Variants in NRG3 observed in about 807,000 individuals in gnomAD.
NRG3 encodes the protein neuregulin 3.
In NRG3, 31 loss-of-function variants were observed where a neutral mutation model predicts 66.9. That is an observed-to-expected ratio of 0.46 (90% CI 0.35 to 0.63). NRG3 has a LOEUF of 0.63. Ranked by LOEUF, NRG3 falls within the 20% of genes least tolerant of loss-of-function variation. The probability of loss-of-function intolerance (pLI) is 0.00; values close to 1 mark genes in which losing one functional copy is unlikely to be tolerated. For synonymous variants in NRG3, 393 were observed against 359.4 expected (o/e 1.09, Z -1.06); for missense variants, 910 against 878.9 (o/e 1.04, Z -0.45).
chr10:82,472,002 G>A (rs1841313072), intron 2 of NRG3, among the ~76,000 whole-genome samples: 1 of 151,916 alleles, frequency 6.6e-6, no homozygotes. Flanking sequence ...TATGAGCCAA[G>A]TAGGATAAAT....
chr10:82,222,710 C>T (rs1057259109), intron 1 of NRG3, among the ~76,000 whole-genome samples: 5 of 152,130 alleles, frequency 3.3e-5, no homozygotes, highest in African/African-American at 9.7e-5. Flanking sequence ...CTGTATCCAC[C>T]GTGTTTTCCC....
At chr10:82,161,666 TTC>T (rs1422324513) in intron 1 of NRG3, among the ~76,000 whole-genome samples, 2 of 152,122 alleles carry the variant, frequency 1.3e-5, no homozygotes, top group Non-Finnish European at 2.9e-5. Flanking sequence ...TGAAAGCCTG[TTC>T]TCTTTTCAAC....
At chr10:82,293,522 T>C (rs890830863) in intron 1 of NRG3, among the ~76,000 whole-genome samples, 9 of 152,194 alleles carry the variant, frequency 5.9e-5, no homozygotes, top group African/African-American at 2.2e-4. Context: ...CTCTGAGGCA[T>C]TAAATTTCCT....
chr10:82,985,316 G>A lies in NRG3; in HGVS notation c.1802G>A (p.Cys601Tyr). The change falls in exon 9 of 9, where the codon TGC becomes TAC. Residue 601 changes from cysteine (C) to tyrosine (Y), a missense_variant. Transcript: ENST00000372141. ...TCTGAAGTCAAAAGCATCAAATGGTGCAAAAACTCCTATTCAGCTGACGTT... is the reference window on the plus strand; with the variant it reads ...TCTGAAGTCAAAAGCATCAAATGGTACAAAAACTCCTATTCAGCTGACGTT... ...GISEVKSIKW[C>Y]KNSYSADVVN... is the part of the protein sequence containing the mutation. The A allele has an allele frequency of 1.2e-6, 2 of 1,614,108 alleles. No individual in the cohort carries two copies. Among genetic ancestry groups the A allele is most frequent in the Non-Finnish European group, 1.7e-6 (2 of 1,180,008 alleles).
rs373002669 is a variant in NRG3, at chr10:82,580,376, C to A, written c.954-158201C>A. 7.9e-5 allele frequency among the ~76,000 whole-genome samples: 12 copies of A among 151,950 alleles called. No individual in the cohort carries two copies. The South Asian group carries it at 1.5e-3, about 18-fold the overall frequency. ...TTTCCACTATTATTAACACTTTTTA[C>A]AATTGAAGAACAAATATGGAAATAT... On this transcript the variant is annotated intron_variant, in intron 2 of 8. Coordinates refer to ENST00000372141, the MANE Select transcript of NRG3 (RefSeq NM_001010848.4).
intron 1 of NRG3, among the ~76,000 whole-genome samples, chr10:81,931,759 G>A (rs1445307278): frequency 6.6e-6 from 1 of 152,168 alleles, no homozygotes; most frequent in Non-Finnish European, 1.5e-5. Context: ...CCATTAACAG[G>A]AGATGAAGTT....
intron 1 of NRG3, among the ~76,000 whole-genome samples, chr10:82,143,033 T>C (rs1023628266): frequency 6.6e-6 from 1 of 151,300 alleles, no homozygotes; most frequent in East Asian, 2.0e-4. Context: ...CCTCTGAAAG[T>C]GCTGGGATTA....
intron 4 of NRG3, among the ~76,000 whole-genome samples, chr10:82,900,103 C>G (rs1844065039): frequency 6.6e-6 from 1 of 151,984 alleles, no homozygotes; most frequent in Non-Finnish European, 1.5e-5. Context: ...GGAGCAGGAG[C>G]AAGAGAGAGT....
At chr10:82,884,378 A>G (rs1842558622) in intron 4 of NRG3, among the ~76,000 whole-genome samples, 1 of 152,188 alleles carries the variant, frequency 6.6e-6, no homozygotes, top group African/African-American at 2.4e-5. Context: ...AAAAATACAG[A>G]TATTTTTGCA....
intron 1 of NRG3, among the ~76,000 whole-genome samples, chr10:82,238,858 G>T (rs886888006): frequency 7.8e-6 from 1 of 128,792 alleles, no homozygotes; most frequent in Non-Finnish European, 1.8e-5. Flanking sequence ...AAATTACTCT[G>T]CAGCTAAAAG....
At chr10:82,637,240 C>T (rs1029313517) in intron 2 of NRG3, among the ~76,000 whole-genome samples, 8 of 151,950 alleles carry the variant, frequency 5.3e-5, no homozygotes, top group Non-Finnish European at 7.4e-5. Context: ...CCTTTTTAAA[C>T]GGCTCCTACT....
intron 1 of NRG3, among the ~76,000 whole-genome samples, chr10:82,276,232 T>C: frequency 6.6e-6 from 1 of 151,922 alleles, no homozygotes; most frequent in East Asian, 1.9e-4. Context: ...ATGTAAACAG[T>C]AAATACACTA....
chr10:82,428,438 C>A (rs2136299171), intron 2 of NRG3, among the ~76,000 whole-genome samples: 1 of 151,488 alleles, frequency 6.6e-6, no homozygotes, highest in East Asian at 1.9e-4. Flanking sequence ...AATTTTTTTC[C>A]TTTGACTCCT....
At chr10:82,595,327 G>A (rs768737724) in intron 2 of NRG3, among the ~76,000 whole-genome samples, 3 of 152,102 alleles carry the variant, frequency 2.0e-5, no homozygotes, top group East Asian at 3.9e-4. Context: ...AAGCTACTAC[G>A]ACATGTTTAT....
At chr10:81,876,740 T>A (rs1841696579) in intron 1 of NRG3, among the ~76,000 whole-genome samples, 1 of 152,084 alleles carries the variant, frequency 6.6e-6, no homozygotes, top group Non-Finnish European at 1.5e-5. Flanking sequence ...AAAGGGTTAA[T>A]TAGAAGCCAC....
chr10:82,748,249 C>A (rs1408203383), intron 3 of NRG3, among the ~76,000 whole-genome samples: 1 of 151,448 alleles, frequency 6.6e-6, no homozygotes, highest in Non-Finnish European at 1.5e-5. Flanking sequence ...ATTACATATG[C>A]ATTTTAGAAT....
intron 4 of NRG3, among the ~76,000 whole-genome samples, chr10:82,906,257 T>C (rs547705371): frequency 8.5e-5 from 13 of 152,154 alleles, no homozygotes; most frequent in Non-Finnish European, 1.8e-4. Context: ...TGCTCCTCAA[T>C]ATTAACCCTG....
At chr10:82,879,718 C>T (rs973204813) in intron 4 of NRG3, among the ~76,000 whole-genome samples, 1 of 151,914 alleles carries the variant, frequency 6.6e-6, no homozygotes, top group African/African-American at 2.4e-5. Flanking sequence ...CCTCATGATC[C>T]GCCCTCCTCG....
intron 1 of NRG3, among the ~76,000 whole-genome samples, chr10:81,943,477 C>G (rs923375725): frequency 6.6e-6 from 1 of 152,214 alleles, no homozygotes; most frequent in Non-Finnish European, 1.5e-5. Flanking sequence ...GAAATAATCT[C>G]TTCCAATTTC....
Sources: allele counts gnomAD v4.1 joint callset (sites outside exome capture counted in the v4.1 genomes callset), GRCh38; gene constraint gnomAD v4.1.1; transcripts MANE v1.5; gene names NCBI Gene and HGNC (gene_info 2026-07-23, HGNC 2026-07-21).